Variants in GALNT16 observed in about 807,000 individuals in gnomAD.
GALNT16 encodes the protein polypeptide N-acetylgalactosaminyltransferase 16, also known as UDP-GalNAc:polypeptide N-acetylgalactosaminyltransferase-like protein 1.
GALNT16 carries 40 observed loss-of-function variants against 76.1 expected under a neutral mutation model. The observed-to-expected ratio is 0.53, with a 90% CI of 0.41 to 0.68. The LOEUF is 0.68. Among genes scored for constraint, GALNT16 ranks in the 30% least tolerant of loss-of-function variants. The pLI is 0.00. For synonymous variants in GALNT16, 276 were observed against 285.2 expected, an observed-to-expected ratio of 0.97 and a Z score of 0.32; for missense variants, 621 against 731.9, an observed-to-expected ratio of 0.85 and a Z score of 1.75.
chr14:69,379,565 T>C, the GALNT16 span, among the ~76,000 whole-genome samples: 1 of 152,190 alleles, frequency 6.6e-6, no homozygotes, highest in African/African-American at 2.4e-5. Context: ...AAAGTGCTAA[T>C]AGCAGAATCA....
the GALNT16 span, chr14:69,380,521 CAGTGCTT>C: frequency 4.4e-6 from 6 of 1,367,710 alleles, no homozygotes; most frequent in Non-Finnish European, 6.3e-6. Flanking sequence ...CCAACCCCCC[CAGTGCTT>C]CCAACACAAT....
At chr14:69,304,645 A>C (rs141101530) in intron 1 of GALNT16, among the ~76,000 whole-genome samples, 2 of 152,168 alleles carry the variant, frequency 1.3e-5, no homozygotes, top group Non-Finnish European at 2.9e-5. Flanking sequence ...CCTGGCAACC[A>C]TGAATCTGAC....
At chr14:69,323,763 T>C (rs8017816) in intron 2 of GALNT16, among the ~76,000 whole-genome samples, 57,625 of 152,124 alleles carry the variant, frequency 0.38, 11,157 homozygotes, top group African/African-American at 0.4. Flanking sequence ...CTGTCTGACC[T>C]GGTCTGCTCT....
intron 1 of GALNT16, among the ~76,000 whole-genome samples, chr14:69,281,892 A>G (rs1209664916): frequency 1.3e-5 from 2 of 152,216 alleles, no homozygotes; most frequent in Non-Finnish European, 2.9e-5. Context: ...CTAAACCCCA[A>G]GTAACCATGA....
chr14:69,326,012 A>G lies in GALNT16; in HGVS notation c.553A>G (p.Asn185Asp), dbSNP rs774543651. 3 of 1,613,944 alleles carry G rather than the reference A, an allele frequency of 1.9e-6. No individual in the cohort carries two copies. The highest frequency in any genetic ancestry group is 1.7e-5 in the Admixed American group (1 of 60,026). ...GATCCCCAAGGTCAAGTGCCTGCGC[A>G]ATGATCGGCGGGAAGGTGAGTCCTT... ...TRIPKVKCLRNDRREGLIRSR... is the reference protein window; with the variant it reads ...TRIPKVKCLRDDRREGLIRSR... The change falls in exon 5 of 15, where the codon AAT becomes GAT. Residue 185 changes from asparagine (N) to aspartate (D), a missense_variant. Transcript: ENST00000448469.
chr14:69,294,111 A>T (rs1199746580), intron 1 of GALNT16, among the ~76,000 whole-genome samples: 5 of 151,772 alleles, frequency 3.3e-5, no homozygotes, highest in Non-Finnish European at 5.9e-5. Flanking sequence ...GATGGTCTTG[A>T]ACTCCTGACC....
chr14:69,281,884 A>G (rs1167015586), intron 1 of GALNT16, among the ~76,000 whole-genome samples: 1 of 152,190 alleles, frequency 6.6e-6, no homozygotes, highest in Non-Finnish European at 1.5e-5. Flanking sequence ...GTGCCTGTCT[A>G]AACCCCAAGT....
intron 13 of GALNT16, 69 bp from the exon 14 acceptor site, chr14:69,347,808 C>G: frequency 6.5e-7 from 1 of 1,549,210 alleles, no homozygotes; most frequent in Non-Finnish European, 8.8e-7. Context: ...TTGCTTTATC[C>G]CCTATCTACC....
chr14:69,344,339 T>A (rs1347385577), intron 12 of GALNT16, among the ~76,000 whole-genome samples: 1 of 152,260 alleles, frequency 6.6e-6, no homozygotes, highest in Non-Finnish European at 1.5e-5. Context: ...TAGTAGACAT[T>A]GCACATTCAT....
the GALNT16 span, among the ~76,000 whole-genome samples, chr14:69,378,945 AT>A: frequency 4.0e-5 from 6 of 150,136 alleles, no homozygotes; most frequent in Admixed American, 6.7e-5. Context: ...AGCTTTATTT[AT>A]TTTTTTTTTG....
chr14:69,328,997 G>A (rs1365258277), intron 6 of GALNT16, among the ~76,000 whole-genome samples: 1 of 152,162 alleles, frequency 6.6e-6, no homozygotes, highest in Non-Finnish European at 1.5e-5. Context: ...GGAGGATTTG[G>A]ACAGATGGCA....
At chr14:69,345,045 A>G (rs550365162) in intron 12 of GALNT16, among the ~76,000 whole-genome samples, 82 of 152,276 alleles carry the variant, frequency 5.4e-4, no homozygotes, top group Admixed American at 1.0e-3. Context: ...CAGAAGCCCC[A>G]CTCAGAGGGG....
At chr14:69,351,096 C>T (rs1486109028) in intron 14 of GALNT16, 1 of 152,296 alleles carries the variant, frequency 6.6e-6, no homozygotes, top group East Asian at 1.9e-4. Context: ...TCTCCCACCA[C>T]CCTGCTGGCC....
At chr14:69,379,867 T>G in the GALNT16 span, among the ~76,000 whole-genome samples, 1 of 152,162 alleles carries the variant, frequency 6.6e-6, no homozygotes, top group African/African-American at 2.4e-5. Context: ...CGGACAAGCT[T>G]TATCACCAGA....
chr14:69,268,335 T>C (rs760074087), intron 1 of GALNT16, among the ~76,000 whole-genome samples: 7 of 152,170 alleles, frequency 4.6e-5, no homozygotes, highest in Non-Finnish European at 1.0e-4. Flanking sequence ...TAAAAACTGG[T>C]TTCAGTAGTT....
At chr14:69,296,560 G>T (rs1373749559) in intron 1 of GALNT16, among the ~76,000 whole-genome samples, 1 of 152,068 alleles carries the variant, frequency 6.6e-6, no homozygotes, top group Non-Finnish European at 1.5e-5. Context: ...TGGCATGGTG[G>T]CACACACCTG....
chr14:69,352,236 G>T lies in GALNT16; in HGVS notation c.*68G>T. 1 of 1,401,972 alleles carries T rather than the reference G, an allele frequency of 7.1e-7. No individual in the cohort carries two copies. The highest frequency in any genetic ancestry group is 9.7e-7 in the Non-Finnish European group (1 of 1,034,836). The allele number at this position is 1,401,972 out of a possible 1,614,324, so 86.8% of individuals were successfully genotyped here. A position where few individuals can be genotyped will look rare whatever the true frequency, so the allele number is the denominator to read the frequency against. On this transcript the variant is annotated 3_prime_UTR_variant, in exon 15 of 15. Coordinates refer to ENST00000448469, the MANE Select transcript of GALNT16 (RefSeq NM_001168368.2). ...GGACCGGAAGGGGGTTAGGGTGGGG[G>T]AGTGCAAAGTGGGCTGTTCCCATCT...
intron 1 of GALNT16, among the ~76,000 whole-genome samples, chr14:69,289,208 G>A (rs529629097): frequency 3.9e-4 from 59 of 152,160 alleles, no homozygotes; most frequent in African/African-American, 1.3e-3. Context: ...TCCCTTTTGC[G>A]GCCTCTGAGG....
intron 7 of GALNT16, among the ~76,000 whole-genome samples, chr14:69,332,090 C>T (rs538598359): frequency 7.2e-5 from 11 of 152,314 alleles, no homozygotes; most frequent in Admixed American, 1.3e-4. Context: ...CCACAGGTTA[C>T]CCAGACTTAG....
Sources: allele counts gnomAD v4.1 joint callset (sites outside exome capture counted in the v4.1 genomes callset), GRCh38; gene constraint gnomAD v4.1.1; transcripts MANE v1.5; gene names NCBI Gene and HGNC (gene_info 2026-07-23, HGNC 2026-07-21).